Variants in HTR4 observed in about 807,000 individuals in gnomAD.
HTR4 encodes the protein 5-hydroxytryptamine receptor 4.
Under a neutral mutation model 36.8 loss-of-function variants are expected in HTR4, and 16 were observed. The ratio of observed to expected loss-of-function variants is 0.43; its 90% CI spans 0.29 to 0.66. The LOEUF is 0.66. Among genes scored for constraint, HTR4 ranks in the 30% least tolerant of loss-of-function variants. HTR4 has a pLI of 0.13. For synonymous variants in HTR4, 189 were observed against 185.1 expected, an observed-to-expected ratio of 1.02 and a Z score of -0.17; for missense variants, 438 against 490.9, an observed-to-expected ratio of 0.89 and a Z score of 1.02.
rs370514542 is a variant in HTR4, at chr5:148,639,617, G to GTATATATATATATATATA, written c.-47-2574_-47-2557dup. Among the ~76,000 whole-genome samples the GTATATATATATATATATA allele has an allele frequency of 6.8e-3, 764 of 111,614 alleles. 12 individuals carry two copies. The highest frequency in any genetic ancestry group is 0.011 in the African/African-American group (306 of 27,142). The allele number at this position is 111,614 out of a possible 152,430, so 73.2% of individuals were successfully genotyped here. ...TCTCTGTTCTATTTTTTTCTTCCCA[G>GTATATATATATATATATA]TATATATATATATATATATATATAT... On this transcript the variant is annotated intron_variant, in intron 1 of 6. Transcript: ENST00000377888.
At chr5:148,533,412 T>C (rs1235421158) in intron 4 of HTR4, among the ~76,000 whole-genome samples, 1 of 152,224 alleles carries the variant, frequency 6.6e-6, no homozygotes, top group Admixed American at 6.5e-5. Flanking sequence ...ACTGCAGCCA[T>C]GTGCAAATGT....
intron 2 of HTR4, among the ~76,000 whole-genome samples, chr5:148,602,521 T>C (rs1371118128): frequency 1.3e-5 from 2 of 152,100 alleles, no homozygotes; most frequent in African/African-American, 4.8e-5. Flanking sequence ...GTATACGTTA[T>C]AAGAAAAATT....
intron 2 of HTR4, among the ~76,000 whole-genome samples, chr5:148,572,570 C>T (rs547397108): frequency 3.3e-5 from 5 of 152,100 alleles, no homozygotes; most frequent in Admixed American, 6.6e-5. Context: ...CCTTTGAGAA[C>T]CAAGCCTGCT....
At chr5:148,607,466 T>C (rs985032266) in intron 2 of HTR4, among the ~76,000 whole-genome samples, 16 of 152,230 alleles carry the variant, frequency 1.1e-4, no homozygotes, top group African/African-American at 3.9e-4. Context: ...TAGTCATTTT[T>C]TATGGGTCTT....
chr5:148,497,937 C>A (rs1013702309), intron 6 of HTR4, among the ~76,000 whole-genome samples: 16 of 152,172 alleles, frequency 1.1e-4, no homozygotes, highest in Non-Finnish European at 2.2e-4. Context: ...TGTCATCATT[C>A]AACCAAATGC....
chr5:148,466,822 C>A (rs1755442436), intron 5 of HTR4, among the ~76,000 whole-genome samples: 1 of 152,072 alleles, frequency 6.6e-6, no homozygotes, highest in Non-Finnish European at 1.5e-5. Flanking sequence ...TCATTTAGAC[C>A]TCCAATTTTT....
chr5:148,558,085 A>AT (rs940567385), intron 2 of HTR4, among the ~76,000 whole-genome samples: 2 of 151,724 alleles, frequency 1.3e-5, no homozygotes, highest in African/African-American at 2.4e-5. Context: ...CTATCTAAGT[A>AT]TTTTTTTCAC....
At chr5:148,604,198 C>A (rs568479592) in intron 2 of HTR4, among the ~76,000 whole-genome samples, 5 of 152,060 alleles carry the variant, frequency 3.3e-5, no homozygotes, top group Admixed American at 6.6e-5. Context: ...TTTTGAAGAG[C>A]TTCTGTTAAT....
downstream of HTR4, among the ~76,000 whole-genome samples, chr5:148,474,694 CTCTCACCT>C (rs1429186013): frequency 6.6e-6 from 1 of 152,142 alleles, no homozygotes; most frequent in African/African-American, 2.4e-5. Context: ...TTACTTCTGT[CTCTCACCT>C]TCTAGGCAGC....
intron 2 of HTR4, among the ~76,000 whole-genome samples, chr5:148,628,026 G>A (rs1401562075): frequency 6.6e-6 from 1 of 152,194 alleles, no homozygotes; most frequent in Non-Finnish European, 1.5e-5. Flanking sequence ...CTTCCTTTCA[G>A]ACAACAGGGA....
chr5:148,466,417 C>T (rs765786547), intron 5 of HTR4, among the ~76,000 whole-genome samples: 3 of 152,166 alleles, frequency 2.0e-5, no homozygotes, highest in Non-Finnish European at 2.9e-5. Context: ...CAATACAAAC[C>T]GCTGTGGCTT....
chr5:148,632,779 C>T (rs1008425311), intron 2 of HTR4, among the ~76,000 whole-genome samples: 2 of 152,072 alleles, frequency 1.3e-5, no homozygotes, highest in Non-Finnish European at 2.9e-5. Context: ...CTGCATTTAG[C>T]GATCACACTT....
chr5:148,610,257 G>C (rs1374250247), intron 2 of HTR4, among the ~76,000 whole-genome samples: 8 of 152,178 alleles, frequency 5.3e-5, no homozygotes, highest in African/African-American at 1.9e-4. Context: ...CGACACAGAA[G>C]ATGCGTGATT....
intron 5 of HTR4, 57 bp from the exon 6 acceptor site, chr5:148,510,081 T>G: frequency 1.7e-6 from 2 of 1,156,164 alleles, no homozygotes; most frequent in South Asian, 1.8e-5. Flanking sequence ...AAAGAAAAAG[T>G]GAAAAAGAAG....
chr5:148,604,214 G>A (rs763832750), intron 2 of HTR4, among the ~76,000 whole-genome samples: 5 of 152,038 alleles, frequency 3.3e-5, no homozygotes, highest in Non-Finnish European at 7.4e-5. Context: ...TTAATCAAAA[G>A]TCACCTTCAA....
intron 2 of HTR4, among the ~76,000 whole-genome samples, chr5:148,632,512 A>G (rs1415401528): frequency 1.3e-5 from 2 of 152,150 alleles, no homozygotes; most frequent in East Asian, 1.9e-4. Context: ...GAGGTGAGTC[A>G]AGGGTAGGCA....
At chr5:148,643,380 T>C (rs1753784303) in intron 1 of HTR4, among the ~76,000 whole-genome samples, 1 of 152,172 alleles carries the variant, frequency 6.6e-6, no homozygotes, top group Non-Finnish European at 1.5e-5. Context: ...TTCCATTTCA[T>C]GTTGTGCTGA....
intron 2 of HTR4, among the ~76,000 whole-genome samples, chr5:148,569,717 T>C (rs1171406098): frequency 1.3e-5 from 2 of 150,930 alleles, no homozygotes; most frequent in Admixed American, 6.6e-5. Context: ...ATCATAGGAG[T>C]TTGAATAAAA....
At chr5:148,579,781 G>T (rs1761064404) in intron 2 of HTR4, among the ~76,000 whole-genome samples, 1 of 151,940 alleles carries the variant, frequency 6.6e-6, no homozygotes, top group Admixed American at 6.6e-5. Flanking sequence ...CTTGACACAT[G>T]GTCTCCTCCA....
Sources: gnomAD v4.1 joint callset for allele counts (sites outside exome capture counted in the v4.1 genomes callset) on GRCh38, gnomAD v4.1.1 for gene constraint, MANE v1.5 for transcripts, NCBI Gene and HGNC (gene_info 2026-07-23, HGNC 2026-07-21) for gene names.